GLYATL3: variants seen among roughly 807,000 people sequenced by gnomAD.
The protein encoded by GLYATL3 is glycine-N-acyltransferase like 3, also known as glycine N-acyltransferase-like protein 3.
In GLYATL3, 31 loss-of-function variants were observed where a neutral mutation model predicts 28.5. The ratio of observed to expected loss-of-function variants is 1.09; its 90% CI spans 0.82 to 1.47. GLYATL3 has a LOEUF of 1.47. Ranked by LOEUF, GLYATL3 falls within the 40% of genes most tolerant of loss-of-function variation. GLYATL3 has a pLI of 0.00. For missense variants in GLYATL3, 369 were observed against 351.5 expected, an observed-to-expected ratio of 1.05 and a Z score of -0.40; for synonymous variants, 141 against 140.2, an observed-to-expected ratio of 1.01 and a Z score of -0.04.
chr6:49,521,423 G>A (rs745783440), intron 4 of GLYATL3, among the ~76,000 whole-genome samples: 2 of 152,116 alleles, frequency 1.3e-5, no homozygotes, highest in Non-Finnish European at 2.9e-5. Flanking sequence ...CGTGATGAGT[G>A]GTCCCAATGG....
chr6:49,500,071 T>A (rs1162266425), intron 1 of GLYATL3, 29 bp downstream of exon 1: 1 of 152,172 alleles, frequency 6.6e-6, no homozygotes, highest in African/African-American at 2.4e-5. Flanking sequence ...ATATAATACA[T>A]TTCAAGTCAT....
chr6:49,526,319 A>G (rs1224642840), intron 5 of GLYATL3, among the ~76,000 whole-genome samples, 169 bp from the exon 6 acceptor site: 2 of 152,116 alleles, frequency 1.3e-5, no homozygotes, highest in Admixed American at 1.3e-4. Flanking sequence ...AGGCTGAGGC[A>G]GGAGAATTGC....
chr6:49,508,165 G>A (rs568054644), intron 1 of GLYATL3, among the ~76,000 whole-genome samples: 16 of 151,886 alleles, frequency 1.1e-4, no homozygotes, highest in African/African-American at 2.9e-4. Flanking sequence ...GTGTGGTGGC[G>A]GGCGCCTGTA....
intron 2 of GLYATL3, among the ~76,000 whole-genome samples, chr6:49,514,886 A>G (rs1472890496): frequency 6.6e-6 from 1 of 152,134 alleles, no homozygotes; most frequent in African/African-American, 2.4e-5. Flanking sequence ...TGGATGACAG[A>G]GTGAGATACT....
intron 4 of GLYATL3, among the ~76,000 whole-genome samples, chr6:49,520,189 C>A (rs966483553): frequency 6.6e-6 from 1 of 151,948 alleles, no homozygotes; most frequent in Non-Finnish European, 1.5e-5. Flanking sequence ...GAAAACTGCA[C>A]AGCAAACACC....
Position 49,526,908 on chromosome 6 carries a change from C to T in GLYATL3, c.861C>T (p.His287=). The T allele has an allele frequency of 6.6e-6, 10 of 1,508,080 alleles. No homozygotes were observed. The highest frequency in any genetic ancestry group is 1.4e-5 in the African/African-American group (1 of 71,592). The allele number at this position is 1,508,080 out of a possible 1,614,324, so 93.4% of individuals were successfully genotyped here. A position where few individuals can be genotyped will look rare whatever the true frequency, so the allele number is the denominator to read the frequency against. The change falls in exon 6 of 6, where the codon CAC becomes CAT. Residue 287 remains histidine, a synonymous_variant. Coordinates refer to ENST00000371197, the MANE Select transcript of GLYATL3 (RefSeq NM_001010904.2). ...CTGCGACTTTCTCTGGCCTGCCTCA[C>T]CTCTAGCCCAGTAAAAAACTGCAGT... The part of the protein sequence containing the change: ...LTPATFSGLP[H]L
At position 49,526,720 on chromosome 6, in the gene GLYATL3, G is replaced by A. The variant is rs1769424253; in HGVS notation, c.673G>A (p.Gly225Ser). Residue 225 changes from glycine (G) to serine (S), a missense_variant, in exon 6 of 6, where the codon GGT becomes AGT. Gly to Ser is a moderately conservative substitution (Grantham distance 56). Coordinates refer to ENST00000371197, the MANE Select transcript of GLYATL3 (RefSeq NM_001010904.2). ...CACCCTGCCAGAACATCGCAGGAAA[G>A]GTTACAGCCGGCTGGTGGCCCTCAC... ...GYTLPEHRRK[G>S]YSRLVALTLA... The A allele has an allele frequency of 3.9e-6, 6 of 1,551,770 alleles. No individual in the cohort carries two copies. Among genetic ancestry groups the A allele is most frequent in the Middle Eastern group, 1.7e-4 (1 of 5,992 alleles).
intron 1 of GLYATL3, among the ~76,000 whole-genome samples, chr6:49,510,002 C>CTTTCTT: frequency 1.1e-5 from 1 of 88,420 alleles, no homozygotes; most frequent in Non-Finnish European, 2.3e-5. Context: ...TTCTTTCTTT[C>CTTTCTT]TCTTTCTTTC....
chr6:49,515,114 T>C (rs534434039), intron 2 of GLYATL3, among the ~76,000 whole-genome samples: 1 of 152,258 alleles, frequency 6.6e-6, no homozygotes, highest in Non-Finnish European at 1.5e-5. Flanking sequence ...AAATCTAAAG[T>C]ACAGTTTTTG....
intron 1 of GLYATL3, among the ~76,000 whole-genome samples, chr6:49,509,996 T>A (rs1581867304): frequency 6.9e-6 from 1 of 145,380 alleles, no homozygotes; most frequent in Admixed American, 7.4e-5. Flanking sequence ...CTTTCTTTCT[T>A]TCTTTCTCTT....
chr6:49,521,631 C>T lies in GLYATL3; in HGVS notation c.314-14C>T. 1 of 1,533,300 alleles carries T rather than the reference C, an allele frequency of 6.5e-7. No homozygotes were observed. The highest frequency in any genetic ancestry group is 8.8e-7 in the Non-Finnish European group (1 of 1,139,680). The allele number at this position is 1,533,300 out of a possible 1,614,324, so 95.0% of individuals were successfully genotyped here. A position where few individuals can be genotyped will look rare whatever the true frequency, so the allele number is the denominator to read the frequency against. The stretch of plus-strand genomic sequence containing the variant: ...AAAATGCCCACATATTAAATTATGT[C>T]TTTCTATACACAGGGCTGCAGAGTG... On this transcript the variant is annotated splice_polypyrimidine_tract_variant and intron_variant, in intron 4 of 5. Transcript: ENST00000371197.
rs1769439063 is a variant in GLYATL3 at position 49,527,279 on chromosome 6, G to A, written c.*365G>A. Among the ~76,000 whole-genome samples the A allele has an allele frequency of 1.3e-5, 2 of 152,084 alleles. 1 individual carries two copies. The highest frequency in any genetic ancestry group is 4.8e-5 in the African/African-American group (2 of 41,410). On this transcript the variant is annotated 3_prime_UTR_variant, in exon 6 of 6. Coordinates refer to ENST00000371197, the MANE Select transcript of GLYATL3 (RefSeq NM_001010904.2). ...GCTACTGCTTTTTGATTGCTGCTTG[G>A]ACCTCTGCTCTGTATTCTTAAAGCC...
intron 3 of GLYATL3, among the ~76,000 whole-genome samples, chr6:49,516,114 T>C (rs1403039097): frequency 6.6e-6 from 1 of 152,038 alleles, no homozygotes; most frequent in Non-Finnish European, 1.5e-5. Flanking sequence ...TTTGTATTTT[T>C]AGTAGACACT....
At chr6:49,515,552 T>A in intron 2 of GLYATL3, 101 bp from the exon 3 acceptor site, 1 of 657,328 alleles carries the variant, frequency 1.5e-6, no homozygotes, top group South Asian at 1.9e-5. Flanking sequence ...ATTTCCCCTC[T>A]TGTGGACATG....
Position 49,515,746 on chromosome 6 carries a change from C to A in GLYATL3, c.172C>A (p.Arg58=). The A allele has an allele frequency of 1.3e-6, 2 of 1,542,816 alleles. No homozygotes were observed. Among genetic ancestry groups the A allele is most frequent in the Non-Finnish European group, 1.8e-6 (2 of 1,139,040 alleles). ...GCCGGATTTCAAAGCTGTTATCACCCGACGACAAAGAGAGGTACAGTTTTG... is the reference window on the plus strand; with the variant it reads ...GCCGGATTTCAAAGCTGTTATCACCAGACGACAAAGAGAGGTACAGTTTTG... ...SWPDFKAVIT[R]RQREAETDNL... Residue 58 remains arginine, a synonymous_variant, in exon 3 of 6, where the codon CGA becomes AGA. Coordinates refer to ENST00000371197, the MANE Select transcript of GLYATL3 (RefSeq NM_001010904.2).
intron 2 of GLYATL3, among the ~76,000 whole-genome samples, chr6:49,513,941 T>C (rs1769166932): frequency 6.6e-6 from 1 of 152,120 alleles, no homozygotes; most frequent in African/African-American, 2.4e-5. Flanking sequence ...AAAGTTGTTT[T>C]TAATTAAACA....
At chr6:49,503,517 G>A (rs1003857951) in intron 1 of GLYATL3, among the ~76,000 whole-genome samples, 1 of 152,210 alleles carries the variant, frequency 6.6e-6, no homozygotes, top group Non-Finnish European at 1.5e-5. Context: ...TTTTTGATAA[G>A]TAATATCATA....
intron 5 of GLYATL3, among the ~76,000 whole-genome samples, chr6:49,522,065 T>C (rs1324845386): frequency 1.3e-5 from 2 of 152,216 alleles, no homozygotes; most frequent in Non-Finnish European, 2.9e-5. Context: ...CATTCCTTGG[T>C]GTCCTTATCC....
chr6:49,512,053 T>TC lies in GLYATL3; in HGVS notation c.65dup (p.Glu23Ter), dbSNP rs36125184. On this transcript the variant is annotated frameshift_variant, in exon 2 of 6. Coordinates refer to ENST00000371197, the MANE Select transcript of GLYATL3 (RefSeq NM_001010904.2). LOFTEE classifies it high-confidence loss of function. ...TGGAGAAAATGTTGAAGAGTTGCTT[T>TC]CCTGAATCACTCAAGGTACCATAAA... 1 of 1,374,678 alleles carries TC rather than the reference T, an allele frequency of 7.3e-7. No homozygotes were observed. Among genetic ancestry groups the TC allele is most frequent in the South Asian group, 1.3e-5 (1 of 78,346 alleles). The allele number at this position is 1,374,678 out of a possible 1,614,324, so 85.2% of individuals were successfully genotyped here. A position where few individuals can be genotyped will look rare whatever the true frequency, so the allele number is the denominator to read the frequency against.
Sources: allele counts gnomAD v4.1 joint callset (sites outside exome capture counted in the v4.1 genomes callset), GRCh38; gene constraint gnomAD v4.1.1; transcripts MANE v1.5; gene names NCBI Gene and HGNC (gene_info 2026-07-23, HGNC 2026-07-21).